ANOS1: variants seen among roughly 807,000 people sequenced by gnomAD.
The protein encoded by ANOS1 is anosmin-1.
ANOS1 carries 6 observed loss-of-function variants against 59.0 expected under a neutral mutation model. The observed-to-expected ratio is 0.10, with a 90% CI of 0.06 to 0.20. The LOEUF is 0.20. ANOS1 is among the 10% of genes least tolerant of loss of function. The pLI, the probability that ANOS1 is intolerant of heterozygous loss-of-function variation, is 1.00. For synonymous variants in ANOS1, 217 were observed against 223.4 expected, an observed-to-expected ratio of 0.97 and a Z score of 0.25; for missense variants, 433 against 542.3, an observed-to-expected ratio of 0.80 and a Z score of 2.00.
chrX:8,580,341 C>T (rs1287155914), intron 6 of ANOS1, among the ~76,000 whole-genome samples: 1 of 112,027 alleles, frequency 8.9e-6, no homozygotes, highest in Non-Finnish European at 1.9e-5. Flanking sequence ...TTTAAGTAGG[C>T]AAATATAAAA....
intron 2 of ANOS1, among the ~76,000 whole-genome samples, chrX:8,666,850 C>G (rs1932147683): frequency 8.9e-6 from 1 of 111,781 alleles, no homozygotes; most frequent in Non-Finnish European, 1.9e-5. Context: ...TTGACTCTCA[C>G]ACAACTCACT....
intron 8 of ANOS1, among the ~76,000 whole-genome samples, chrX:8,559,673 T>G (rs1224830574): frequency 1.8e-5 from 2 of 111,840 alleles, no homozygotes; most frequent in South Asian, 3.8e-4. Context: ...TGGTTTTCTT[T>G]GTATCTATAA....
At chrX:8,553,859 A>G in intron 9 of ANOS1, 93 bp downstream of exon 9, 3 of 856,052 alleles carry the variant, frequency 3.5e-6, no homozygotes, top group Non-Finnish European at 5.2e-6. Flanking sequence ...CTTAGTATTG[A>G]TACTGTGGCT....
intron 8 of ANOS1, chrX:8,566,076 C>T (rs1930106945): frequency 2.7e-6 from 2 of 752,923 alleles, no homozygotes; most frequent in Non-Finnish European, 1.6e-6. Flanking sequence ...CACGCTGCTG[C>T]GTTTGTGTGG....
At chrX:8,588,021 C>T (rs1290078151) in intron 4 of ANOS1, 43 bp from the exon 5 acceptor site, 32 of 1,074,575 alleles carry the variant, frequency 3.0e-5, no homozygotes, top group Non-Finnish European at 3.9e-5. Flanking sequence ...GCGTGTGACT[C>T]AAATTGAAGT....
intron 6 of ANOS1, among the ~76,000 whole-genome samples, chrX:8,574,077 C>T (rs777266295): frequency 5.4e-5 from 6 of 110,293 alleles, no homozygotes; most frequent in Middle Eastern, 9.3e-3. Context: ...CCTTGCAACC[C>T]GTGCCTCAGT....
At chrX:8,675,612 A>C (rs1932323534) in intron 2 of ANOS1, among the ~76,000 whole-genome samples, 1 of 111,565 alleles carries the variant, frequency 9.0e-6, no homozygotes, top group Admixed American at 9.5e-5. Flanking sequence ...CTAAAGCTTA[A>C]TGCTACTATC....
intron 3 of ANOS1, among the ~76,000 whole-genome samples, chrX:8,618,794 G>A (rs1415622725): frequency 1.8e-5 from 2 of 111,537 alleles, no homozygotes; most frequent in Non-Finnish European, 3.8e-5. Context: ...AGAACAGGCC[G>A]GGTACGGTGG....
intron 2 of ANOS1, among the ~76,000 whole-genome samples, chrX:8,647,902 G>T (rs1410512653): frequency 9.0e-6 from 1 of 111,578 alleles, no homozygotes; most frequent in Non-Finnish European, 1.9e-5. Context: ...TGCAGCTTGG[G>T]CATCTCATTA....
At chrX:8,715,713 G>T (rs1053832235) in intron 1 of ANOS1, among the ~76,000 whole-genome samples, 1 of 111,413 alleles carries the variant, frequency 9.0e-6, no homozygotes, top group African/African-American at 3.3e-5. Context: ...TCTTTTGGAA[G>T]TGGAGGGGTC....
In ANOS1 at chrX:8,530,411, A is replaced by G. The variant is rs888996479; in HGVS notation, c.*2584T>C. On this transcript the variant is annotated 3_prime_UTR_variant, in exon 14 of 14. Transcript: ENST00000262648. ...AAAAGCATAGATTTTATTCTTTATTAGAGCAATCACATTTTTAAAATTCAA... is the reference window on the plus strand; with the variant it reads ...AAAAGCATAGATTTTATTCTTTATTGGAGCAATCACATTTTTAAAATTCAA... The G allele has an allele frequency of 8.9e-6, 1 of 111,962 alleles. No individual in the cohort carries two copies. The highest frequency in any genetic ancestry group is 1.9e-5 in the Non-Finnish European group (1 of 53,189). 9.2% of individuals were successfully genotyped at this position (111,962 alleles called of 1,213,427 possible).
chrX:8,558,672 G>A (rs189712440), intron 8 of ANOS1, among the ~76,000 whole-genome samples: 1 of 111,467 alleles, frequency 9.0e-6, no homozygotes, highest in African/African-American at 3.3e-5. Flanking sequence ...AAACCTATAC[G>A]TAATGTGGAA....
At chrX:8,664,347 C>A (rs373218386) in intron 2 of ANOS1, among the ~76,000 whole-genome samples, 5 of 110,345 alleles carry the variant, frequency 4.5e-5, no homozygotes, top group African/African-American at 1.7e-4. Context: ...TGCGCCACCA[C>A]GCCCGGCTAA....
chrX:8,597,506 G>A (rs1294017742), intron 3 of ANOS1, among the ~76,000 whole-genome samples: 1 of 110,031 alleles, frequency 9.1e-6, no homozygotes, highest in African/African-American at 3.3e-5. Context: ...ATGCGCCCAC[G>A]TTCACAGATC....
At chrX:8,539,824 T>C in intron 9 of ANOS1, 66 bp from the exon 10 acceptor site, 1 of 1,195,114 alleles carries the variant, frequency 8.4e-7, no homozygotes, top group East Asian at 3.0e-5. Flanking sequence ...AGCCTGGGGT[T>C]CTTGAACTTG....
chrX:8,620,483 C>T (rs950572912), intron 3 of ANOS1, among the ~76,000 whole-genome samples: 2 of 111,652 alleles, frequency 1.8e-5, no homozygotes, highest in African/African-American at 6.5e-5. Context: ...AGAGTCATGA[C>T]AATATGGAAT....
At chrX:8,620,330 A>G (rs755924389) in intron 3 of ANOS1, among the ~76,000 whole-genome samples, 9 of 112,022 alleles carry the variant, frequency 8.0e-5, no homozygotes, top group Non-Finnish European at 1.3e-4. Flanking sequence ...TTGCAAACCT[A>G]TGCCTTAGAA....
At chrX:8,554,747 C>A (rs959590787) in intron 8 of ANOS1, among the ~76,000 whole-genome samples, 3 of 108,600 alleles carry the variant, frequency 2.8e-5, no homozygotes, top group African/African-American at 1.0e-4. Context: ...TAGAGACCTA[C>A]AAAGACACTT....
intron 2 of ANOS1, among the ~76,000 whole-genome samples, chrX:8,696,828 T>C (rs1932691265): frequency 8.9e-6 from 1 of 112,457 alleles, no homozygotes; most frequent in South Asian, 3.7e-4. Context: ...TTCCAGCCAT[T>C]GGCAATTGTT....
Sources: gnomAD v4.1 joint callset for allele counts (sites outside exome capture counted in the v4.1 genomes callset) on GRCh38, gnomAD v4.1.1 for gene constraint, MANE v1.5 for transcripts, NCBI Gene and HGNC (gene_info 2026-07-23, HGNC 2026-07-21) for gene names.